The following TRPC4 variants were observed in gnomAD, a reference collection of about 807,000 sequenced individuals.
TRPC4 encodes transient receptor potential cation channel subfamily C member 4.
Under a neutral mutation model 99.4 loss-of-function variants are expected in TRPC4, and 49 were observed. That is an observed-to-expected ratio of 0.49 (90% CI 0.39 to 0.63). TRPC4 has a LOEUF of 0.63. Among genes scored for constraint, TRPC4 ranks in the 20% least tolerant of loss-of-function variants. The probability of loss-of-function intolerance (pLI) is 0.00; values close to 1 mark genes in which losing one functional copy is unlikely to be tolerated. For synonymous variants in TRPC4, 454 were observed against 425.9 expected (o/e 1.07, Z -0.81); for missense variants, 898 against 1,152.9 (o/e 0.78, Z 3.20).
intron 1 of TRPC4, among the ~76,000 whole-genome samples, chr13:37,803,632 A>G (rs1256414230): frequency 1.3e-5 from 2 of 152,122 alleles, no homozygotes; most frequent in South Asian, 2.1e-4. Flanking sequence ...AGATATGGCC[A>G]CTGCTTTTAT....
chr13:37,685,623 T>G (rs540196943), intron 4 of TRPC4, among the ~76,000 whole-genome samples: 3 of 152,190 alleles, frequency 2.0e-5, no homozygotes, highest in South Asian at 2.1e-4. Context: ...TTTTTTTAAC[T>G]TTGACTCTTT....
At chr13:37,777,326 G>A (rs1323842925) in intron 2 of TRPC4, among the ~76,000 whole-genome samples, 1 of 151,890 alleles carries the variant, frequency 6.6e-6, no homozygotes, top group East Asian at 1.9e-4. Context: ...TGGCAGAAGA[G>A]TGAAGGGGAA....
At chr13:37,772,981 C>T (rs1477571652) in intron 2 of TRPC4, among the ~76,000 whole-genome samples, 1 of 151,778 alleles carries the variant, frequency 6.6e-6, no homozygotes, top group Admixed American at 6.6e-5. Flanking sequence ...TTATTACTGC[C>T]AGTCTCTTCC....
chr13:37,766,378 C>A (rs1481070820), intron 2 of TRPC4, among the ~76,000 whole-genome samples: 1 of 150,766 alleles, frequency 6.6e-6, no homozygotes. Flanking sequence ...ACTGTTGCAA[C>A]GAAATTAACG....
chr13:37,768,082 A>C (rs1268876227), intron 2 of TRPC4, among the ~76,000 whole-genome samples: 1 of 151,382 alleles, frequency 6.6e-6, no homozygotes, highest in Non-Finnish European at 1.5e-5. Flanking sequence ...AGTGAGAAAA[A>C]CTCCATAAAG....
chr13:37,656,782 C>A (rs1952252781), intron 6 of TRPC4, among the ~76,000 whole-genome samples: 1 of 152,114 alleles, frequency 6.6e-6, no homozygotes, highest in African/African-American at 2.4e-5. Flanking sequence ...ATGAATAAGC[C>A]AGGCAATAAG....
intron 7 of TRPC4, among the ~76,000 whole-genome samples, chr13:37,653,399 G>T (rs532984786): frequency 6.8e-6 from 1 of 147,718 alleles, no homozygotes; most frequent in African/African-American, 2.5e-5. Flanking sequence ...ACAAGAAAAA[G>T]AAAGAAAGAG....
At chr13:37,824,914 G>C (rs970146355) in intron 1 of TRPC4, among the ~76,000 whole-genome samples, 5 of 152,038 alleles carry the variant, frequency 3.3e-5, no homozygotes, top group African/African-American at 7.2e-5. Flanking sequence ...GACTCTTTTT[G>C]GTTGGTAAGC....
chr13:37,854,367 C>A lies in TRPC4; in HGVS notation c.-28+15228G>T, dbSNP rs116842722. ...CATGAAGGATAAGTAAAGACTTTCC[C>A]AGACAAACAAAAGCTGAGGGATTTC... On this transcript the variant is annotated intron_variant, in intron 1 of 10. Coordinates refer to ENST00000379705, the MANE Select transcript of TRPC4 (RefSeq NM_016179.4). Among the ~76,000 whole-genome samples the A allele has an allele frequency of 9.4e-3, 1,429 of 152,122 alleles. 35 individuals are homozygous for A. The East Asian group carries it at 0.1, about 11-fold the overall frequency.
chr13:37,759,836 C>G (rs577506121), intron 2 of TRPC4, among the ~76,000 whole-genome samples: 114 of 151,364 alleles, frequency 7.5e-4, no homozygotes, highest in Non-Finnish European at 1.4e-3. Context: ...ATGCTTCCTA[C>G]AGAAAAGCAG....
chr13:37,682,922 C>CTTT (rs35740848), intron 4 of TRPC4, among the ~76,000 whole-genome samples: 3 of 109,310 alleles, frequency 2.7e-5, no homozygotes, highest in African/African-American at 6.9e-5. Context: ...GCCCAGCTAT[C>CTTT]TTTTTTTTTT....
chr13:37,831,971 C>G (rs966922382), intron 1 of TRPC4, among the ~76,000 whole-genome samples: 10 of 152,004 alleles, frequency 6.6e-5, no homozygotes, highest in African/African-American at 2.2e-4. Flanking sequence ...TGATCTATTG[C>G]ATAACATGTT....
Position 37,692,084 on chromosome 13 carries a change from G to C in TRPC4, c.1149C>G (p.Ala383=). The change falls in exon 4 of 11, where the codon GCC becomes GCG. Residue 383 remains alanine, a synonymous_variant. Transcript: ENST00000379705. ...AGTCTGACCTGTCGATGTGCTGAGA[G>C]GCAAGCAGCAGCAGGAACAAAAAAG... The part of the protein sequence containing the change: ...YLTFLFLLLL[A]SQHIDRSDLN... The C allele has an allele frequency of 1.2e-6, 2 of 1,614,158 alleles. No homozygotes were observed. Among genetic ancestry groups the C allele is most frequent in the Non-Finnish European group, 1.7e-6 (2 of 1,180,014 alleles).
intron 2 of TRPC4, among the ~76,000 whole-genome samples, chr13:37,770,138 T>G (rs1031596838): frequency 2.0e-5 from 3 of 151,566 alleles, no homozygotes; most frequent in Non-Finnish European, 3.0e-5. Flanking sequence ...AAAGTCTTTA[T>G]GATTGAGGCT....
chr13:37,782,920 G>A (rs906186709), intron 2 of TRPC4, 36 bp downstream of exon 2: 5 of 1,412,690 alleles, frequency 3.5e-6, no homozygotes, highest in African/African-American at 2.9e-5. Flanking sequence ...ACCTTCTGCA[G>A]GTAAAATAAA....
chr13:37,671,314 C>G (rs1236963185), intron 5 of TRPC4, among the ~76,000 whole-genome samples: 1 of 152,008 alleles, frequency 6.6e-6, no homozygotes, highest in Non-Finnish European at 1.5e-5. Context: ...AAGGACAAAT[C>G]AGAAAATCAG....
chr13:37,679,708 C>T (rs937173223), intron 4 of TRPC4, among the ~76,000 whole-genome samples: 10 of 152,046 alleles, frequency 6.6e-5, no homozygotes, highest in African/African-American at 1.2e-4. Context: ...CCTAGTTTCC[C>T]GTTTTAGTCA....
intron 3 of TRPC4, among the ~76,000 whole-genome samples, chr13:37,706,483 T>C (rs1382558532): frequency 3.3e-5 from 5 of 152,122 alleles, no homozygotes; most frequent in African/African-American, 7.2e-5. Flanking sequence ...AGCTATTCTT[T>C]TTTATTATTA....
Position 37,634,055 on chromosome 13 carries a change from T to C in TRPC4, c.*2848A>G, listed in dbSNP as rs1951452490. ...TGAATTTTCAACACACTCCTTCACC[T>C]AACTCAGACACAAAATTTAAGAAAA... is the stretch of plus-strand genomic sequence containing the variant. On this transcript the variant is annotated 3_prime_UTR_variant, in exon 11 of 11. Coordinates refer to ENST00000379705, the MANE Select transcript of TRPC4 (RefSeq NM_016179.4). Among the ~76,000 whole-genome samples, 1 of 152,078 alleles carries C rather than the reference T, an allele frequency of 6.6e-6. No individual in the cohort carries two copies. The highest frequency in any genetic ancestry group is 1.5e-5 in the Non-Finnish European group (1 of 67,994).
Sources: gnomAD v4.1 joint callset for allele counts (sites outside exome capture counted in the v4.1 genomes callset) on GRCh38, gnomAD v4.1.1 for gene constraint, MANE v1.5 for transcripts, NCBI Gene and HGNC (gene_info 2026-07-23, HGNC 2026-07-21) for gene names.